Variants in ECE1 observed in about 807,000 individuals in gnomAD.
ECE1 encodes endothelin-converting enzyme 1.
ECE1 carries 35 observed loss-of-function variants against 98.6 expected under a neutral mutation model. That is an observed-to-expected ratio of 0.35 (90% confidence interval 0.27 to 0.47). The LOEUF is 0.47. Ranked by LOEUF, ECE1 falls within the 20% of genes least tolerant of loss-of-function variation. The pLI, the probability that ECE1 is intolerant of heterozygous loss-of-function variation, is 1.00. For synonymous variants in ECE1, 394 were observed against 407.1 expected, an observed-to-expected ratio of 0.97 and a Z score of 0.39; for missense variants, 814 against 1,025.3, an observed-to-expected ratio of 0.79 and a Z score of 2.81.
At chr1:21,222,455 C>G (rs2098168692) in intron 17 of ECE1, among the ~76,000 whole-genome samples, 1 of 152,140 alleles carries the variant, frequency 6.6e-6, no homozygotes, top group Non-Finnish European at 1.5e-5. Context: ...TGCTGGCAAA[C>G]CTTTTCTGTG....
At chr1:21,234,505 G>A (rs925784799) in intron 13 of ECE1, among the ~76,000 whole-genome samples, 10 of 151,426 alleles carry the variant, frequency 6.6e-5, no homozygotes, top group African/African-American at 1.9e-4. Flanking sequence ...TTGAGACAGG[G>A]TCTTGCTCTG....
chr1:21,320,248 C>A (rs144394439), intron 1 of ECE1, among the ~76,000 whole-genome samples: 138 of 152,214 alleles, frequency 9.1e-4, no homozygotes, highest in African/African-American at 3.0e-3. Context: ...AGGCTCCAGC[C>A]GTCAACAGCT....
chr1:21,245,765 T>A (rs2103260642), intron 9 of ECE1, among the ~76,000 whole-genome samples: 1 of 152,272 alleles, frequency 6.6e-6, no homozygotes. Flanking sequence ...AAAATGATGT[T>A]TGCAGAGGTT....
chr1:21,234,158 T>C (rs994606296), intron 13 of ECE1, among the ~76,000 whole-genome samples: 1 of 151,786 alleles, frequency 6.6e-6, no homozygotes, highest in Non-Finnish European at 1.5e-5. Flanking sequence ...CAGCTAATTT[T>C]TGTATTTTTA....
intron 1 of ECE1, among the ~76,000 whole-genome samples, chr1:21,321,192 A>G (rs1380766189): frequency 6.6e-6 from 1 of 152,134 alleles, no homozygotes; most frequent in Non-Finnish European, 1.5e-5. Flanking sequence ...CTCTGACTCA[A>G]AGCCCACAAT....
chr1:21,239,653 C>G (rs2103247523), intron 10 of ECE1, among the ~76,000 whole-genome samples: 1 of 152,358 alleles, frequency 6.6e-6, no homozygotes. Flanking sequence ...CCACACCCAG[C>G]TGCACCAGCC....
intron 8 of ECE1, among the ~76,000 whole-genome samples, chr1:21,249,330 G>A (rs948651345): frequency 6.6e-5 from 10 of 151,248 alleles, no homozygotes; most frequent in African/African-American, 1.9e-4. Context: ...GCAACAGAGC[G>A]AGACTCCATC....
intron 1 of ECE1, among the ~76,000 whole-genome samples, chr1:21,310,392 C>T (rs1569728767): frequency 6.6e-6 from 1 of 152,196 alleles, no homozygotes; most frequent in East Asian, 1.9e-4. Context: ...CAGGGAAGAA[C>T]TCTGATTGGC....
chr1:21,262,112 C>T (rs1573983241), intron 4 of ECE1, among the ~76,000 whole-genome samples: 1 of 152,128 alleles, frequency 6.6e-6, no homozygotes, highest in East Asian at 1.9e-4. Flanking sequence ...TTGCTGACCT[C>T]AGGGTGATGG....
At chr1:21,321,835 C>T (rs778531768) in intron 1 of ECE1, among the ~76,000 whole-genome samples, 1 of 152,174 alleles carries the variant, frequency 6.6e-6, no homozygotes, top group Non-Finnish European at 1.5e-5. Flanking sequence ...AGGCTGATCT[C>T]GAACTCCTGA....
At chr1:21,326,595 T>G (rs1471357999) in intron 1 of ECE1, among the ~76,000 whole-genome samples, 1 of 151,612 alleles carries the variant, frequency 6.6e-6, no homozygotes, top group Non-Finnish European at 1.5e-5. Context: ...GAGATGAGGT[T>G]CATAATAGGG....
chr1:21,237,534 G>T (rs2098189936), intron 11 of ECE1, among the ~76,000 whole-genome samples: 1 of 152,172 alleles, frequency 6.6e-6, no homozygotes, highest in Non-Finnish European at 1.5e-5. Context: ...AATACTATTT[G>T]TCATCAAGAT....
chr1:21,287,856 C>T (rs897657363), intron 2 of ECE1, among the ~76,000 whole-genome samples: 13 of 152,048 alleles, frequency 8.5e-5, no homozygotes, highest in South Asian at 2.1e-4. Context: ...AACTAGAAAC[C>T]GTTATCTCCA....
In ECE1 at chr1:21,227,186, C is replaced by T; in HGVS notation, c.1822G>A (p.Glu608Lys). The change falls in exon 16 of 19, where the codon GAG becomes AAG. Residue 608 changes from glutamate (E) to lysine (K), a missense_variant. Transcript: ENST00000374893. ...FGGIGVVVGHELTHAFDDQGR... is the reference protein window; with the variant it reads ...FGGIGVVVGHKLTHAFDDQGR... ...TGATCATCAAAAGCATGAGTCAGCT[C>T]ATGGCCCACGACGACACCTATGCCA... 1 of 1,614,166 alleles carries T rather than the reference C, an allele frequency of 6.2e-7. No homozygotes were observed. The highest frequency in any genetic ancestry group is 8.5e-7 in the Non-Finnish European group (1 of 1,180,006).
chr1:21,282,909 G>T (rs111463028), intron 2 of ECE1, among the ~76,000 whole-genome samples: 2 of 150,280 alleles, frequency 1.3e-5, no homozygotes, highest in South Asian at 4.2e-4. Flanking sequence ...ATTCTATTTT[G>T]ATAGTGCAAT....
At chr1:21,305,376 AG>A (rs1382788820) in intron 1 of ECE1, among the ~76,000 whole-genome samples, 2 of 152,232 alleles carry the variant, frequency 1.3e-5, no homozygotes, top group African/African-American at 4.8e-5. Context: ...GAATGAATGA[AG>A]GCAAAAGAAA....
rs1027475921 is a variant in ECE1 at position 21,260,350 on chromosome 1, T to C, written c.536A>G (p.Gln179Arg). Reference protein sequence around the residue: ...ASVSEAERKAQVYYRACMNET... With the variant: ...ASVSEAERKARVYYRACMNET... ...GTTCATGCACGCACGGTAGTATACT[T>C]GCGCCTTTCTCTCTGCCTCGCTCAC... The change falls in exon 5 of 19, where the codon CAA becomes CGA. Residue 179 changes from glutamine to arginine, a missense_variant. By Grantham distance (43) the Gln-to-Arg change is conservative. Coordinates refer to ENST00000374893, the MANE Select transcript of ECE1 (RefSeq NM_001397.3). The surrounding 1 kb of genome is among the most constrained non-coding windows in gnomAD (Gnocchi z 4.3). 6.2e-7 allele frequency: 1 copy of C among 1,614,124 alleles called. No homozygotes were observed. Among genetic ancestry groups the C allele is most frequent in the Non-Finnish European group, 8.5e-7 (1 of 1,180,052 alleles).
rs768531939 is a variant in ECE1, at chr1:21,258,701, C to G, written c.754G>C (p.Val252Leu). The change falls in exon 6 of 19, where the codon GTG becomes CTG. Residue 252 changes from valine (V) to leucine (L), a missense_variant. Transcript: ENST00000374893. This position sits in a 1 kb window ranked among gnomAD's most constrained non-coding sequence, Gnocchi z 4.2. ...SADSKNSNSN[V>L]IQVDQSGLGL... Reference sequence around the variant, plus strand: ...GGTTCAAGCTAGCTCACCTGGATCACGTTGCTGTTGGAGTTCTTGGAATCG... The same window carrying G: ...GGTTCAAGCTAGCTCACCTGGATCAGGTTGCTGTTGGAGTTCTTGGAATCG... 6.2e-7 allele frequency: 1 copy of G among 1,613,732 alleles called. No homozygotes were observed. The highest frequency in any genetic ancestry group is 8.5e-7 in the Non-Finnish European group (1 of 1,179,766).
intron 1 of ECE1, among the ~76,000 whole-genome samples, chr1:21,308,392 ACAAACGG>A (rs1288342712): frequency 6.6e-6 from 1 of 152,018 alleles, no homozygotes; most frequent in Non-Finnish European, 1.5e-5. Flanking sequence ...GATCCTCCCC[ACAAACGG>A]CAAAGCACTC....
Sources: gnomAD v4.1 joint callset for allele counts (sites outside exome capture counted in the v4.1 genomes callset) on GRCh38, gnomAD v4.1.1 for gene constraint, Gnocchi (gnomAD v3.1) non-coding constraint, MANE v1.5 for transcripts, NCBI Gene and HGNC (gene_info 2026-07-23, HGNC 2026-07-21) for gene names.